ADCY8: variants seen among roughly 807,000 people sequenced by gnomAD.
ADCY8 encodes the protein adenylate cyclase 8.
A neutral mutation model predicts 119.7 loss-of-function variants in ADCY8; 51 were observed. That is an observed-to-expected ratio of 0.43 (90% confidence interval 0.34 to 0.54). ADCY8 has a LOEUF of 0.54. Among genes scored for constraint, ADCY8 ranks in the 20% least tolerant of loss-of-function variants. The pLI, the probability that ADCY8 is intolerant of heterozygous loss-of-function variation, is 0.03. For missense variants in ADCY8, 1,383 were observed against 1,598.8 expected (o/e 0.87, Z 2.30); for synonymous variants, 665 against 651.0 (o/e 1.02, Z -0.33).
In ADCY8 at chr8:130,865,153, T is replaced by C. The variant is rs540426923; in HGVS notation, c.2210+2693A>G. Among the ~76,000 whole-genome samples, 32 of 152,226 alleles carry C rather than the reference T, an allele frequency of 2.1e-4. No homozygotes were observed. In the South Asian group the frequency reaches 3.1e-3, roughly 15 times the overall value. ...TTCTTTCAGCTGTTAGTATCCGTGGTTAGTATACAGGGTCCTTGTTGGTGT... is the reference window on the plus strand; with the variant it reads ...TTCTTTCAGCTGTTAGTATCCGTGGCTAGTATACAGGGTCCTTGTTGGTGT... On this transcript the variant is annotated intron_variant, in intron 9 of 17. Coordinates refer to ENST00000286355, the MANE Select transcript of ADCY8 (RefSeq NM_001115.3).
chr8:131,000,044 T>C (rs541137657), intron 1 of ADCY8, among the ~76,000 whole-genome samples: 1 of 152,326 alleles, frequency 6.6e-6, no homozygotes, highest in African/African-American at 2.4e-5. Context: ...TGCAGAACAC[T>C]TTACAAAGTC....
chr8:130,815,833 G>A lies in ADCY8; in HGVS notation c.2755-1606C>T, dbSNP rs544217349. ...TGAACATCAGTGACCAGGCAGGGGC[G>A]GAATAGGCATTATAGGAAGTTATAG... On this transcript the variant is annotated intron_variant, in intron 13 of 17. Transcript: ENST00000286355. Among the ~76,000 whole-genome samples the A allele has an allele frequency of 1.1e-3, 169 of 152,274 alleles. 2 individuals carry two copies. Among genetic ancestry groups the A allele is most frequent in the African/African-American group, 4.0e-3 (166 of 41,546 alleles).
At chr8:130,802,759 A>G (rs1194566992) in intron 14 of ADCY8, among the ~76,000 whole-genome samples, 1 of 152,202 alleles carries the variant, frequency 6.6e-6, no homozygotes, top group African/African-American at 2.4e-5. Context: ...CTTCTCCGCT[A>G]GATGGTGTTT....
At chr8:130,866,197 G>A (rs776544394) in intron 9 of ADCY8, among the ~76,000 whole-genome samples, 7 of 151,906 alleles carry the variant, frequency 4.6e-5, no homozygotes, top group African/African-American at 7.3e-5. Context: ...GGTCAGATTC[G>A]TAAGAATTCT....
intron 14 of ADCY8, among the ~76,000 whole-genome samples, 173 bp from the exon 15 acceptor site, chr8:130,800,745 A>G (rs1243016148): frequency 6.6e-6 from 1 of 152,194 alleles, no homozygotes; most frequent in African/African-American, 2.4e-5. Flanking sequence ...GTGGGCTGCT[A>G]TAACAAAATA....
chr8:130,835,995 C>G (rs2130259024), intron 12 of ADCY8, among the ~76,000 whole-genome samples: 1 of 152,162 alleles, frequency 6.6e-6, no homozygotes, highest in South Asian at 2.1e-4. Flanking sequence ...AGTGTTGAAG[C>G]CACTAAATTT....
At chr8:130,911,131 A>G (rs7461315) in intron 5 of ADCY8, among the ~76,000 whole-genome samples, 16,719 of 152,162 alleles carry the variant, frequency 0.11, 948 homozygotes, top group Non-Finnish European at 0.12. Flanking sequence ...TGCTTAATTT[A>G]TTTCTTCCAA....
intron 1 of ADCY8, among the ~76,000 whole-genome samples, chr8:131,023,067 C>T (rs950371796): frequency 6.6e-6 from 1 of 152,136 alleles, no homozygotes; most frequent in African/African-American, 2.4e-5. Flanking sequence ...GTTAAACTCT[C>T]TAATCCTCAA....
chr8:130,962,352 C>T (rs1480183780), intron 2 of ADCY8, among the ~76,000 whole-genome samples: 4 of 152,200 alleles, frequency 2.6e-5, no homozygotes, highest in Non-Finnish European at 5.9e-5. Flanking sequence ...GCAATATATC[C>T]TTTTCTGGCT....
At chr8:130,962,552 T>A (rs1254679745) in intron 2 of ADCY8, among the ~76,000 whole-genome samples, 1 of 152,210 alleles carries the variant, frequency 6.6e-6, no homozygotes, top group African/African-American at 2.4e-5. Flanking sequence ...ACATACTCTA[T>A]TCAAGTCGTC....
At chr8:130,782,713 C>A (rs1436316039) in intron 17 of ADCY8, among the ~76,000 whole-genome samples, 1 of 152,156 alleles carries the variant, frequency 6.6e-6, no homozygotes, top group Non-Finnish European at 1.5e-5. Flanking sequence ...AACATCCCAT[C>A]CATAGATCAA....
intron 2 of ADCY8, among the ~76,000 whole-genome samples, chr8:130,977,127 T>C (rs1352967298): frequency 1.3e-5 from 2 of 152,158 alleles, no homozygotes; most frequent in African/African-American, 2.4e-5. Context: ...TCTCCTCACA[T>C]TGCCTGGAGA....
intron 12 of ADCY8, among the ~76,000 whole-genome samples, chr8:130,831,051 T>C (rs1816819505): frequency 6.6e-6 from 1 of 151,968 alleles, no homozygotes; most frequent in African/African-American, 2.4e-5. Flanking sequence ...CTTGGGCAAA[T>C]AGAAAAAAAC....
intron 1 of ADCY8, among the ~76,000 whole-genome samples, chr8:131,038,113 A>T (rs757176500): frequency 6.6e-6 from 1 of 152,202 alleles, no homozygotes; most frequent in Admixed American, 6.5e-5. Context: ...AAGAGACAGG[A>T]TCCCACATTG....
intron 12 of ADCY8, among the ~76,000 whole-genome samples, chr8:130,822,236 A>G (rs1367070532): frequency 2.0e-5 from 3 of 152,220 alleles, no homozygotes; most frequent in African/African-American, 4.8e-5. Flanking sequence ...AAGGCTGAAG[A>G]GCTGAATCCT....
At chr8:130,982,566 C>A (rs1332088329) in intron 2 of ADCY8, among the ~76,000 whole-genome samples, 3 of 152,270 alleles carry the variant, frequency 2.0e-5, no homozygotes, top group Non-Finnish European at 4.4e-5. Flanking sequence ...TGAGGAAACT[C>A]ACATACAAAA....
intron 15 of ADCY8, among the ~76,000 whole-genome samples, chr8:130,787,287 A>G (rs1815277419): frequency 6.6e-6 from 1 of 152,208 alleles, no homozygotes. Context: ...GCAGGCAATG[A>G]CAATGGCTTG....
At chr8:130,906,915 A>G (rs977007853) in intron 6 of ADCY8, among the ~76,000 whole-genome samples, 2 of 151,734 alleles carry the variant, frequency 1.3e-5, no homozygotes, top group Non-Finnish European at 1.5e-5. Flanking sequence ...CCTTTTGCAG[A>G]TGCTGAAACT....
intron 12 of ADCY8, among the ~76,000 whole-genome samples, chr8:130,825,746 A>G (rs1053563918): frequency 2.0e-5 from 3 of 152,172 alleles, no homozygotes; most frequent in Non-Finnish European, 4.4e-5. Flanking sequence ...AATGTGGCTA[A>G]CCTCTTCGCT....
Sources: gnomAD v4.1 joint callset for allele counts (sites outside exome capture counted in the v4.1 genomes callset) on GRCh38, gnomAD v4.1.1 for gene constraint, MANE v1.5 for transcripts, NCBI Gene and HGNC (gene_info 2026-07-23, HGNC 2026-07-21) for gene names.